Variants in OR11G2 observed in about 807,000 individuals in gnomAD.
OR11G2 encodes the protein olfactory receptor family 11 subfamily G member 2.
OR11G2 carries 2 observed loss-of-function variants against 0.9 expected under a neutral mutation model. That is an observed-to-expected ratio of 2.35 (90% CI 0.96 to 7.38). The LOEUF is 7.38. OR11G2 is among the 30% of genes most tolerant of loss of function. The probability of loss-of-function intolerance (pLI) is 0.05; values close to 1 mark genes in which losing one functional copy is unlikely to be tolerated. For synonymous variants in OR11G2, 153 were observed against 142.0 expected (o/e 1.08, Z -0.55); for missense variants, 395 against 371.3 (o/e 1.06, Z -0.52).
Position 20,200,536 on chromosome 14 carries a change from G to A in OR11G2, c.*2163G>A, listed in dbSNP as rs955070232. On this transcript the variant is annotated 3_prime_UTR_variant, in exon 2 of 2. Transcript: ENST00000641879. ...ATTGCGTGTCTGAGGATTGTGAAATGGGTTCTCTCACACTTAGCTGGTGGG... is the reference window on the plus strand; with the variant it reads ...ATTGCGTGTCTGAGGATTGTGAAATAGGTTCTCTCACACTTAGCTGGTGGG... 2 of 152,132 alleles carry A rather than the reference G, an allele frequency of 1.3e-5. No individual in the cohort carries two copies. Among genetic ancestry groups the A allele is most frequent in the Non-Finnish European group, 2.9e-5 (2 of 68,028 alleles). The allele number at this position is 152,132 out of a possible 1,614,324, so 9.4% of individuals were successfully genotyped here. A position where few individuals can be genotyped will look rare whatever the true frequency, so the allele number is the denominator to read the frequency against.
rs958859496 is a variant in OR11G2, at chr14:20,191,126, C to G, written c.-545C>G. The G allele has an allele frequency of 2.6e-5, 4 of 152,182 alleles. No individual in the cohort carries two copies. Among genetic ancestry groups the G allele is most frequent in the African/African-American group, 9.7e-5 (4 of 41,442 alleles). The allele number at this position is 152,182 out of a possible 1,614,324, so 9.4% of individuals were successfully genotyped here. On this transcript the variant is annotated 5_prime_UTR_variant, in exon 1 of 2. Transcript: ENST00000641879. ...GTAAAGCCTAGGTTGTAATTCAAGT[C>G]CTAGGCTCCTTACTCAAATCCACTG...
Position 20,198,099 on chromosome 14 carries a change from C to T in OR11G2, c.662C>T (p.Ser221Phe), listed in dbSNP as rs2139114979. The T allele has an allele frequency of 6.2e-7, 1 of 1,614,038 alleles. No homozygotes were observed. ...ATGCTCTTTCTCTTCATTGTGGGGT[C>T]CTATGCTCTGGTCGTGAGAGCTGTG... The part of the protein sequence containing the change: ...VFMLFLFIVG[S>F]YALVVRAVLR... The change falls in exon 2 of 2, where the codon TCC (serine) becomes TTC (phenylalanine). Residue 221 changes from serine to phenylalanine, a missense_variant. By Grantham distance (155) the Ser-to-Phe change is radical. Coordinates refer to ENST00000641879, the MANE Select transcript of OR11G2 (RefSeq NM_001386033.1).
At chr14:20,197,273 A>G (rs956932991) in intron 1 of OR11G2, 161 bp from the exon 2 acceptor site, 49 of 907,124 alleles carry the variant, frequency 5.4e-5, no homozygotes, top group Non-Finnish European at 7.6e-5. Flanking sequence ...AAAGAAAAAA[A>G]GTGACTATTG....
intron 1 of OR11G2, among the ~76,000 whole-genome samples, chr14:20,194,510 C>T (rs192201822): frequency 3.2e-4 from 49 of 152,226 alleles, no homozygotes; most frequent in African/African-American, 1.1e-3. Flanking sequence ...AACATTTAAT[C>T]CAAGAAGTCA....
chr14:20,194,919 A>C (rs10141836), intron 1 of OR11G2, among the ~76,000 whole-genome samples: 110,579 of 152,052 alleles, frequency 0.73, 40,413 homozygotes, highest in African/African-American at 0.8. Flanking sequence ...TTTAGAAAAT[A>C]ATTAGACCCG....
At chr14:20,197,300 T>G (rs1449370654) in intron 1 of OR11G2, 134 bp from the exon 2 acceptor site, 2 of 1,205,670 alleles carry the variant, frequency 1.7e-6, no homozygotes, top group East Asian at 2.5e-5. Flanking sequence ...CTGCATTCTG[T>G]TTTTTACTTT....
In OR11G2 at chr14:20,197,627, T is replaced by C. The variant is rs2139113256; in HGVS notation, c.190T>C (p.Tyr64His). Reference sequence around the variant, plus strand: ...GGATCAGAGACTCCACGCCCCCATGTACATCCTGCTCGCCAACTTCTCCTT... The same window carrying C: ...GGATCAGAGACTCCACGCCCCCATGCACATCCTGCTCGCCAACTTCTCCTT... ...HWDQRLHAPM[Y>H]ILLANFSFLE... Residue 64 changes from tyrosine (Y) to histidine (H), a missense_variant, in exon 2 of 2, where the codon TAC becomes CAC. Coordinates refer to ENST00000641879, the MANE Select transcript of OR11G2 (RefSeq NM_001386033.1). 1 of 1,614,180 alleles carries C rather than the reference T, an allele frequency of 6.2e-7. No individual in the cohort carries two copies. The highest frequency in any genetic ancestry group is 8.5e-7 in the Non-Finnish European group (1 of 1,180,012).
intron 1 of OR11G2, 53 bp from the exon 2 acceptor site, chr14:20,197,381 C>T (rs368138224): frequency 1.9e-6 from 3 of 1,597,010 alleles, no homozygotes; most frequent in African/African-American, 1.3e-5. Flanking sequence ...TCTGATTCCC[C>T]ATCTATGTTT....
Position 20,200,023 on chromosome 14 carries a change from T to C in OR11G2, c.*1650T>C, listed in dbSNP as rs1879869158. On this transcript the variant is annotated 3_prime_UTR_variant, in exon 2 of 2. Transcript: ENST00000641879. ...AAGCTTGGGCTAGTTCTCCTTGAACTTTCCCCTAGGCCTGGAGTGAAAGGT... is the reference window on the plus strand; with the variant it reads ...AAGCTTGGGCTAGTTCTCCTTGAACCTTCCCCTAGGCCTGGAGTGAAAGGT... The C allele has an allele frequency of 1.3e-5, 2 of 152,120 alleles. No individual in the cohort carries two copies. Among genetic ancestry groups the C allele is most frequent in the African/African-American group, 4.8e-5 (2 of 41,434 alleles). 9.4% of individuals were successfully genotyped at this position (152,120 alleles called of 1,614,324 possible). A position where few individuals can be genotyped will look rare whatever the true frequency, so the allele number is the denominator to read the frequency against.
rs889092927 is a variant in OR11G2 at position 20,199,005 on chromosome 14, T to C, written c.*632T>C. Reference sequence around the variant, plus strand: ...TGATTCTATTTAAGCACTACTTGTATGTGTTTTTAAAATGATCTGTGCTCG... The same window carrying C: ...TGATTCTATTTAAGCACTACTTGTACGTGTTTTTAAAATGATCTGTGCTCG... On this transcript the variant is annotated 3_prime_UTR_variant, in exon 2 of 2. Coordinates refer to ENST00000641879, the MANE Select transcript of OR11G2 (RefSeq NM_001386033.1). The C allele has an allele frequency of 9.8e-5, 15 of 152,338 alleles. No homozygotes were observed. The highest frequency in any genetic ancestry group is 2.1e-4 in the Non-Finnish European group (14 of 68,038). 9.4% of individuals were successfully genotyped at this position (152,338 alleles called of 1,614,324 possible).
chr14:20,195,270 T>G (rs942913399), intron 1 of OR11G2, among the ~76,000 whole-genome samples: 1 of 152,216 alleles, frequency 6.6e-6, no homozygotes, highest in African/African-American at 2.4e-5. Context: ...CTGGGCGCAG[T>G]GGCTCATGCC....
intron 1 of OR11G2, among the ~76,000 whole-genome samples, chr14:20,194,636 T>C (rs1305356229): frequency 6.6e-6 from 1 of 152,200 alleles, no homozygotes; most frequent in African/African-American, 2.4e-5. Flanking sequence ...TCTTAATTGA[T>C]CATAATAAAG....
chr14:20,192,104 G>A (rs1281944675), intron 1 of OR11G2, among the ~76,000 whole-genome samples: 1 of 152,076 alleles, frequency 6.6e-6, no homozygotes, highest in African/African-American at 2.4e-5. Flanking sequence ...TGTTGGCCAG[G>A]TTGGTCTCAA....
intron 1 of OR11G2, among the ~76,000 whole-genome samples, chr14:20,193,697 C>A (rs1879698472): frequency 6.6e-6 from 1 of 152,186 alleles, no homozygotes; most frequent in African/African-American, 2.4e-5. Context: ...AACATAGGCA[C>A]ATACATTCAC....
At chr14:20,197,317 T>G (rs1260253460) in intron 1 of OR11G2, 117 bp from the exon 2 acceptor site, 1 of 1,363,702 alleles carries the variant, frequency 7.3e-7, no homozygotes, top group African/African-American at 1.5e-5. Flanking sequence ...CTTTTTACTT[T>G]TATTTCAATA....
rs139162797 is a variant in OR11G2, at chr14:20,198,428, T to TA, written c.*65dup. On this transcript the variant is annotated 3_prime_UTR_variant, in exon 2 of 2. Coordinates refer to ENST00000641879, the MANE Select transcript of OR11G2 (RefSeq NM_001386033.1). ...TAATCTTGTCTTTAATTTTGGGGTT[T>TA]AAAAAAAAAACTGGTCTTGGCCAGG... is the stretch of plus-strand genomic sequence containing the variant. 13,514 of 1,136,406 alleles carry TA rather than the reference T, an allele frequency of 0.012. 14 individuals are homozygous for TA. Among genetic ancestry groups the TA allele is most frequent in the African/African-American group, 0.025 (1,566 of 62,806 alleles). 70.4% of individuals were successfully genotyped at this position (1,136,406 alleles called of 1,614,324 possible).
At position 20,198,237 on chromosome 14, in the gene OR11G2, C is replaced by A. The variant is rs2139115686; in HGVS notation, c.800C>A (p.Pro267Gln). ...GTACTGGTCATGTATGGGAGCCCAC[C>A]ATCTAAGAATGAAGCTGGAAAGCAG... ...GSVLVMYGSP[P>Q]SKNEAGKQKT... is the part of the protein sequence containing the mutation. Residue 267 changes from proline to glutamine, a missense_variant, in exon 2 of 2, where the codon CCA (proline) becomes CAA (glutamine). Pro to Gln is a moderately conservative substitution (Grantham distance 76). Transcript: ENST00000641879. The A allele has an allele frequency of 6.2e-7, 1 of 1,614,036 alleles. No homozygotes were observed. The highest frequency in any genetic ancestry group is 2.2e-5 in the East Asian group (1 of 44,858).
rs2139114080 is a variant in OR11G2 at position 20,197,795 on chromosome 14, G to A, written c.358G>A (p.Ala120Thr). The change falls in exon 2 of 2, where the codon GCA becomes ACA. Residue 120 changes from alanine to threonine, a missense_variant. Coordinates refer to ENST00000641879, the MANE Select transcript of OR11G2 (RefSeq NM_001386033.1). ...SLGSTECFFL[A>T]VMAFDRYLAI... ...GGGCTCTACAGAATGCTTTTTCCTG[G>A]CAGTTATGGCATTTGATCGATACCT... 1 of 1,613,914 alleles carries A rather than the reference G, an allele frequency of 6.2e-7. No homozygotes were observed. The highest frequency in any genetic ancestry group is 1.1e-5 in the South Asian group (1 of 91,080).
intron 1 of OR11G2, among the ~76,000 whole-genome samples, chr14:20,192,099 G>A (rs1485795420): frequency 6.6e-6 from 1 of 151,958 alleles, no homozygotes; most frequent in Non-Finnish European, 1.5e-5. Context: ...CAACATGTTG[G>A]CCAGGTTGGT....
Sources: allele counts gnomAD v4.1 joint callset (sites outside exome capture counted in the v4.1 genomes callset), GRCh38; gene constraint gnomAD v4.1.1; transcripts MANE v1.5; gene names NCBI Gene and HGNC (gene_info 2026-07-23, HGNC 2026-07-21).